Variants in GALNT13 observed in about 807,000 individuals in gnomAD.
GALNT13 encodes the protein UDP-GalNAc:polypeptide N-acetylgalactosaminyltransferase 13.
A neutral mutation model predicts 64.2 loss-of-function variants in GALNT13; 28 were observed. The ratio of observed to expected loss-of-function variants is 0.44; its 90% CI spans 0.32 to 0.60. GALNT13 has a LOEUF of 0.60. Ranked by LOEUF, GALNT13 falls within the 20% of genes least tolerant of loss-of-function variation. The pLI is 0.05. For missense variants in GALNT13, 577 were observed against 669.8 expected (o/e 0.86, Z 1.53); for synonymous variants, 214 against 224.6 (o/e 0.95, Z 0.42).
At chr2:154,361,999 A>G (rs1000731237) in intron 9 of GALNT13, among the ~76,000 whole-genome samples, 6 of 152,082 alleles carry the variant, frequency 3.9e-5, no homozygotes, top group African/African-American at 1.4e-4. Flanking sequence ...TCTTGGTAAA[A>G]GATCCTGCTA....
chr2:153,885,734 T>C (rs1262594636), intron 1 of GALNT13, among the ~76,000 whole-genome samples: 1 of 152,106 alleles, frequency 6.6e-6, no homozygotes, highest in South Asian at 2.1e-4. Flanking sequence ...TGTGAAGATA[T>C]TGCCATCTTA....
chr2:153,677,410 C>A, the GALNT13 span, among the ~76,000 whole-genome samples: 6 of 151,506 alleles, frequency 4.0e-5, no homozygotes, highest in Non-Finnish European at 5.9e-5. Flanking sequence ...TCAGAAATGA[C>A]CCAAACAAAT....
chr2:153,875,562 A>C (rs1483826252), intron 1 of GALNT13, among the ~76,000 whole-genome samples: 1 of 152,182 alleles, frequency 6.6e-6, no homozygotes, highest in African/African-American at 2.4e-5. Context: ...TAGTTGTAAC[A>C]GGAGCATTTT....
chr2:153,582,727 C>T, the GALNT13 span, among the ~76,000 whole-genome samples: 1 of 152,032 alleles, frequency 6.6e-6, no homozygotes, highest in Non-Finnish European at 1.5e-5. Context: ...TTCAAAGAGT[C>T]GGATCTGTTA....
At chr2:153,222,934 C>T in the GALNT13 span, among the ~76,000 whole-genome samples, 3 of 152,170 alleles carry the variant, frequency 2.0e-5, no homozygotes, top group Admixed American at 1.3e-4. Context: ...ACTGCAGCTG[C>T]GCGCGGAAGT....
At chr2:153,581,704 T>C in the GALNT13 span, among the ~76,000 whole-genome samples, 1 of 140,866 alleles carries the variant, frequency 7.1e-6, no homozygotes, top group African/African-American at 2.8e-5. Flanking sequence ...TTAATTAATC[T>C]ATGTATTTAC....
chr2:154,100,698 T>G (rs1462576640), intron 3 of GALNT13, among the ~76,000 whole-genome samples: 1 of 152,124 alleles, frequency 6.6e-6, no homozygotes, highest in Non-Finnish European at 1.5e-5. Context: ...CTTTTATTTC[T>G]TTCTCTTACC....
intron 4 of GALNT13, among the ~76,000 whole-genome samples, chr2:154,219,204 A>G (rs984972773): frequency 1.3e-5 from 2 of 152,108 alleles, no homozygotes; most frequent in Non-Finnish European, 2.9e-5. Flanking sequence ...AGTACTGACT[A>G]CAATGCAGGC....
intron 3 of GALNT13, among the ~76,000 whole-genome samples, chr2:154,016,045 A>G (rs570501719): frequency 6.6e-6 from 1 of 152,212 alleles, no homozygotes; most frequent in Non-Finnish European, 1.5e-5. Flanking sequence ...GTCTCAATAT[A>G]TTAATGATGC....
At chr2:154,100,402 C>T (rs190946910) in intron 3 of GALNT13, among the ~76,000 whole-genome samples, 4 of 152,206 alleles carry the variant, frequency 2.6e-5, no homozygotes, top group African/African-American at 7.2e-5. Context: ...TCGTAGTTCT[C>T]CTTGTAGAGA....
At chr2:153,749,598 T>C in the GALNT13 span, among the ~76,000 whole-genome samples, 1 of 152,066 alleles carries the variant, frequency 6.6e-6, no homozygotes, top group African/African-American at 2.4e-5. Flanking sequence ...TATATGTGGC[T>C]ATTGTAAATG....
chr2:154,095,507 G>A lies in GALNT13; in HGVS notation c.143-44830G>A, dbSNP rs531335402. ...GGTCAAGAACCCCTATTTTAAAATT[G>A]CCAATAACAAGCTAACGTTCACACA... On this transcript the variant is annotated intron_variant, in intron 3 of 12. Transcript: ENST00000392825. Among the ~76,000 whole-genome samples the A allele has an allele frequency of 8.6e-5, 13 of 151,914 alleles. No individual in the cohort carries two copies. The South Asian group carries it at 2.3e-3, about 27-fold the overall frequency.
At chr2:153,972,024 A>G (rs1164000671) in intron 3 of GALNT13, among the ~76,000 whole-genome samples, 1 of 152,064 alleles carries the variant, frequency 6.6e-6, no homozygotes, top group Non-Finnish European at 1.5e-5. Context: ...GAAGGCAGAG[A>G]GTATAGTTAT....
chr2:153,922,530 T>A (rs1031871399), intron 2 of GALNT13, among the ~76,000 whole-genome samples: 1 of 152,170 alleles, frequency 6.6e-6, no homozygotes, highest in Non-Finnish European at 1.5e-5. Flanking sequence ...GTCTCAAAAA[T>A]AAACTATAAT....
At chr2:153,458,380 G>A in the GALNT13 span, among the ~76,000 whole-genome samples, 1 of 152,104 alleles carries the variant, frequency 6.6e-6, no homozygotes, top group African/African-American at 2.4e-5. Flanking sequence ...TTCAAAGAGA[G>A]GCAGAACAAT....
the GALNT13 span, among the ~76,000 whole-genome samples, chr2:153,078,573 A>G: frequency 6.6e-6 from 1 of 151,978 alleles, no homozygotes; most frequent in Non-Finnish European, 1.5e-5. Flanking sequence ...GGCCTCCCAA[A>G]GTGCTGGGAT....
At chr2:153,215,414 G>GT in the GALNT13 span, among the ~76,000 whole-genome samples, 1 of 152,074 alleles carries the variant, frequency 6.6e-6, no homozygotes, top group African/African-American at 2.4e-5. Context: ...TAAAACTGGG[G>GT]TACTGTGAAG....
chr2:153,749,039 C>T, the GALNT13 span, among the ~76,000 whole-genome samples: 2,160 of 152,102 alleles, frequency 0.014, 47 homozygotes, highest in African/African-American at 0.048. Context: ...TTTCATTCTT[C>T]TACATATGAA....
At chr2:153,552,534 G>C in the GALNT13 span, among the ~76,000 whole-genome samples, 1 of 150,238 alleles carries the variant, frequency 6.7e-6, no homozygotes, top group Non-Finnish European at 1.5e-5. Context: ...AGTAATTGTG[G>C]AATGAGACTG....
Sources: gnomAD v4.1 joint callset for allele counts (sites outside exome capture counted in the v4.1 genomes callset) on GRCh38, gnomAD v4.1.1 for gene constraint, MANE v1.5 for transcripts, NCBI Gene and HGNC (gene_info 2026-07-23, HGNC 2026-07-21) for gene names.